Variants in PLN observed in about 807,000 individuals in gnomAD.
PLN encodes cardiac phospholamban.
Under a neutral mutation model 3.9 loss-of-function variants are expected in PLN, and 1 was observed. That is an observed-to-expected ratio of 0.26 (90% CI 0.09 to 1.23). The LOEUF (loss-of-function observed/expected upper bound fraction) is 1.23. Among genes scored for constraint, PLN ranks in the 50% most tolerant of loss-of-function variants. The probability of loss-of-function intolerance (pLI) is 0.48; values close to 1 mark genes in which losing one functional copy is unlikely to be tolerated. For missense variants in PLN, 59 were observed against 62.7 expected (o/e 0.94, Z 0.20); for synonymous variants, 21 against 20.5 (o/e 1.02, Z -0.07).
Position 118,559,300 on chromosome 6 carries a change from C to T in PLN, c.*220C>T, listed in dbSNP as rs1779091118. The T allele has an allele frequency of 3.7e-6, 2 of 547,334 alleles. No homozygotes were observed. Among genetic ancestry groups the T allele is most frequent in the South Asian group, 2.1e-5 (1 of 48,172 alleles). 33.9% of individuals were successfully genotyped at this position (547,334 alleles called of 1,614,324 possible). A position where few individuals can be genotyped will look rare whatever the true frequency, so the allele number is the denominator to read the frequency against. On this transcript the variant is annotated 3_prime_UTR_variant, in exon 2 of 2. Transcript: ENST00000357525. ...GGGCTTTATTTTCAAAAATTAACTT[C>T]AAAATAAGTGTATAAAATGCAACTG...
At chr6:118,552,160 A>G (rs1005709073) in intron 1 of PLN, among the ~76,000 whole-genome samples, 14 of 152,044 alleles carry the variant, frequency 9.2e-5, no homozygotes, top group South Asian at 2.1e-4. Context: ...TCAATTTAAT[A>G]AAGTATTTCT....
chr6:118,555,649 CTTAT>C (rs1210308507), intron 1 of PLN, among the ~76,000 whole-genome samples: 4 of 152,068 alleles, frequency 2.6e-5, no homozygotes, highest in Non-Finnish European at 5.9e-5. Context: ...TGCTATGTCC[CTTAT>C]TTTTAACTTT....
At chr6:118,554,247 A>C (rs184916361) in intron 1 of PLN, among the ~76,000 whole-genome samples, 403 of 152,272 alleles carry the variant, frequency 2.6e-3, no homozygotes, top group African/African-American at 9.4e-3. Context: ...CGATTGCACA[A>C]CTGCACTCCA....
Position 118,561,382 on chromosome 6 carries a change from T to G in PLN, c.*2302T>G, listed in dbSNP as rs1779213378. 6.6e-6 allele frequency among the ~76,000 whole-genome samples: 1 copy of G among 152,170 alleles called. No individual in the cohort carries two copies. ...TAAACAGAAATAACTAATTTTTTTG[T>G]TCTTCATTCTTTGATAGAAATTAAA... On this transcript the variant is annotated 3_prime_UTR_variant, in exon 2 of 2. Coordinates refer to ENST00000357525, the MANE Select transcript of PLN (RefSeq NM_002667.5).
At chr6:118,558,666 G>A (rs201021531) in intron 1 of PLN, among the ~76,000 whole-genome samples, 159 bp from the exon 2 acceptor site, 1 of 118,082 alleles carries the variant, frequency 8.5e-6, no homozygotes, top group Non-Finnish European at 2.0e-5. Context: ...CACACAGAGA[G>A]AGAGAGAGAG....
At chr6:118,558,233 G>A (rs750271801) in intron 1 of PLN, among the ~76,000 whole-genome samples, 28 of 152,174 alleles carry the variant, frequency 1.8e-4, no homozygotes, top group Non-Finnish European at 3.4e-4. Flanking sequence ...TTACAGGCAT[G>A]AGCCACTGCA....
At chr6:118,552,695 G>A (rs1778622372) in intron 1 of PLN, among the ~76,000 whole-genome samples, 1 of 150,600 alleles carries the variant, frequency 6.6e-6, no homozygotes, top group Admixed American at 6.6e-5. Flanking sequence ...CTTTTCTTGA[G>A]GAAAGGACGA....
rs1779047638 is a variant in PLN, at chr6:118,558,702, A to G, written c.-97-123A>G. 2.3e-5 allele frequency: 13 copies of G among 573,934 alleles called. No homozygotes were observed. The South Asian group carries it at 2.6e-4, about 11-fold the overall frequency. The allele number at this position is 573,934 out of a possible 1,614,324, so 35.6% of individuals were successfully genotyped here. A position where few individuals can be genotyped will look rare whatever the true frequency, so the allele number is the denominator to read the frequency against. On this transcript the variant is annotated intron_variant, in intron 1 of 1. Coordinates refer to ENST00000357525, the MANE Select transcript of PLN (RefSeq NM_002667.5). ...AGAGAGAGAGAGGGAGAGAGACTAT[A>G]GAAACATGATGTTATAAATAACAAT...
At chr6:118,549,451 T>C (rs1778408250) in intron 1 of PLN, among the ~76,000 whole-genome samples, 1 of 151,846 alleles carries the variant, frequency 6.6e-6, no homozygotes, top group East Asian at 1.9e-4. Context: ...TACATATATT[T>C]TATTTATTTT....
At chr6:118,555,150 G>A (rs535522929) in intron 1 of PLN, among the ~76,000 whole-genome samples, 8 of 152,158 alleles carry the variant, frequency 5.3e-5, no homozygotes, top group Non-Finnish European at 7.4e-5. Flanking sequence ...GTGACTACTC[G>A]GCCAGGTGCA....
intron 1 of PLN, among the ~76,000 whole-genome samples, chr6:118,557,078 T>A (rs1054965199): frequency 6.6e-6 from 1 of 152,190 alleles, no homozygotes; most frequent in African/African-American, 2.4e-5. Context: ...TGTTCCAAGC[T>A]TGACAGTCTT....
rs906048220 is a variant in PLN at position 118,559,881 on chromosome 6, C to T, written c.*801C>T. The stretch of plus-strand genomic sequence containing the variant: ...AGTCATATCACTAATATACTAACAA[C>T]AGAATCTAATCTTCATTTAAGGCAC... On this transcript the variant is annotated 3_prime_UTR_variant, in exon 2 of 2. Transcript: ENST00000357525. 6.0e-6 allele frequency: 1 copy of T among 166,988 alleles called. No homozygotes were observed. The highest frequency in any genetic ancestry group is 2.4e-5 in the African/African-American group (1 of 41,408). 10.3% of individuals were successfully genotyped at this position (166,988 alleles called of 1,614,324 possible).
At position 118,560,314 on chromosome 6, in the gene PLN, T is replaced by A. The variant is rs1779149134; in HGVS notation, c.*1234T>A. On this transcript the variant is annotated 3_prime_UTR_variant, in exon 2 of 2. Transcript: ENST00000357525. ...ATTAACACATATTTTGCGTGTTATA[T>A]GTATTATACACTATATTCCTACAAT... 6.0e-6 allele frequency: 1 copy of A among 167,058 alleles called. No homozygotes were observed. Among genetic ancestry groups the A allele is most frequent in the Admixed American group, 6.5e-5 (1 of 15,276 alleles). 10.3% of individuals were successfully genotyped at this position (167,058 alleles called of 1,614,324 possible).
At chr6:118,549,562 T>C (rs1193074656) in intron 1 of PLN, among the ~76,000 whole-genome samples, 1 of 151,852 alleles carries the variant, frequency 6.6e-6, no homozygotes, top group Non-Finnish European at 1.5e-5. Context: ...AATAAGAACT[T>C]TGTAACTCTG....
rs1402193451 is a variant in PLN, at chr6:118,559,209, CAAGATT to C, written c.*134_*139del. The C allele has an allele frequency of 2.0e-5, 16 of 794,720 alleles. No individual in the cohort carries two copies. Among genetic ancestry groups the C allele is most frequent in the Admixed American group, 1.6e-4 (9 of 57,286 alleles). 49.2% of individuals were successfully genotyped at this position (794,720 alleles called of 1,614,324 possible). ...TAGAAGAGTTTCTTTGTGAAAAGGT[CAAGATT>C]AAGACTAAAACTTATTGTTACCATA... On this transcript the variant is annotated 3_prime_UTR_variant, in exon 2 of 2. Transcript: ENST00000357525.
intron 1 of PLN, among the ~76,000 whole-genome samples, chr6:118,552,686 T>C (rs1298918731): frequency 3.9e-5 from 6 of 151,950 alleles, no homozygotes; most frequent in Admixed American, 3.9e-4. Context: ...CCAGCGTTAC[T>C]TTTCTTGAGG....
chr6:118,554,652 T>A (rs1469426919), intron 1 of PLN, among the ~76,000 whole-genome samples: 1 of 152,192 alleles, frequency 6.6e-6, no homozygotes, highest in African/African-American at 2.4e-5. Flanking sequence ...CTGACAGATA[T>A]CCTCATATAG....
At chr6:118,551,289 A>G (rs569941916) in intron 1 of PLN, among the ~76,000 whole-genome samples, 4 of 151,932 alleles carry the variant, frequency 2.6e-5, no homozygotes, top group East Asian at 1.9e-4. Flanking sequence ...AGTGCCTTTG[A>G]AAAGGTACTC....
Position 118,559,027 on chromosome 6 carries a change from T to C in PLN, c.106T>C (p.Cys36Arg). 6.2e-7 allele frequency: 1 copy of C among 1,610,590 alleles called. No homozygotes were observed. The highest frequency in any genetic ancestry group is 8.5e-7 in the Non-Finnish European group (1 of 1,176,744). The change falls in exon 2 of 2, where the codon TGT (cysteine) becomes CGT (arginine). Residue 36 changes from cysteine to arginine, a missense_variant. Cys to Arg is a radical substitution (Grantham distance 180). Transcript: ENST00000357525. ...QKLQNLFINF[C>R]LILICLLLIC... ...GCTACAGAATCTATTTATCAATTTC[T>C]GTCTCATCTTAATATGTCTCTTGCT... is the stretch of plus-strand genomic sequence containing the variant.
Sources: gnomAD v4.1 joint callset for allele counts (sites outside exome capture counted in the v4.1 genomes callset) on GRCh38, gnomAD v4.1.1 for gene constraint, MANE v1.5 for transcripts, NCBI Gene and HGNC (gene_info 2026-07-23, HGNC 2026-07-21) for gene names.